PRKRIP1: variants seen among roughly 807,000 people sequenced by gnomAD.
PRKRIP1 encodes PRKR interacting protein 1.
Under a neutral mutation model 29.3 loss-of-function variants are expected in PRKRIP1, and 29 were observed. The observed-to-expected ratio is 0.99, with a 90% CI of 0.74 to 1.35. The LOEUF is 1.35. Among genes scored for constraint, PRKRIP1 ranks in the 40% most tolerant of loss-of-function variants. The pLI, the probability that PRKRIP1 is intolerant of heterozygous loss-of-function variation, is 0.00. For synonymous variants in PRKRIP1, 90 were observed against 85.1 expected, an observed-to-expected ratio of 1.06 and a Z score of -0.32; for missense variants, 247 against 236.8, an observed-to-expected ratio of 1.04 and a Z score of -0.28.
At chr7:102,399,964 G>T (rs10280350) in intron 3 of PRKRIP1, among the ~76,000 whole-genome samples, 3,055 of 149,214 alleles carry the variant, frequency 0.02, 94 homozygotes, top group African/African-American at 0.071. Flanking sequence ...TCGTGCCATT[G>T]CACTCCAGCC....
rs143736954 is a variant in PRKRIP1, at chr7:102,404,196, A to G, written c.307-402A>G. ...AACAAAAAAACTCAGCCATTTGGTA[A>G]CTATGGTTGGGCTTAGGGCTTGAAA... is the stretch of plus-strand genomic sequence containing the variant. On this transcript the variant is annotated intron_variant, in intron 3 of 5. Transcript: ENST00000397912. Among the ~76,000 whole-genome samples, 43 of 152,274 alleles carry G rather than the reference A, an allele frequency of 2.8e-4. No homozygotes were observed. In the East Asian group the frequency reaches 7.9e-3, roughly 28 times the overall value.
At chr7:102,400,698 T>G (rs2133166109) in intron 3 of PRKRIP1, among the ~76,000 whole-genome samples, 1 of 152,178 alleles carries the variant, frequency 6.6e-6, no homozygotes, top group Non-Finnish European at 1.5e-5. Context: ...AGCAGTGGGG[T>G]GATCTTGGCT....
chr7:102,396,874 ACAC>A lies in PRKRIP1; in HGVS notation c.126+338_126+340del, dbSNP rs1315688124. On this transcript the variant is annotated intron_variant, in intron 1 of 5. Transcript: ENST00000397912. ...TTAGCAAAAGGGTATACTCTAAACA[ACAC>A]TGATCGTTAGAGAGACAGTGGCCGA... Among the ~76,000 whole-genome samples, 4 of 152,262 alleles carry A rather than the reference ACAC, an allele frequency of 2.6e-5. No homozygotes were observed. In the East Asian group the frequency reaches 7.7e-4, roughly 29 times the overall value.
intron 3 of PRKRIP1, among the ~76,000 whole-genome samples, chr7:102,402,576 G>T (rs1346352291): frequency 2.0e-5 from 3 of 152,224 alleles, no homozygotes; most frequent in African/African-American, 7.2e-5. Context: ...CTATAAATTC[G>T]TCTGAAGTTT....
At chr7:102,421,325 C>G (rs138408433) in intron 5 of PRKRIP1, among the ~76,000 whole-genome samples, 1,768 of 152,090 alleles carry the variant, frequency 0.012, 44 homozygotes, top group African/African-American at 0.041. Context: ...GGGAGGATCA[C>G]TTGAGCCCAG....
chr7:102,404,563 C>T, intron 3 of PRKRIP1, 35 bp from the exon 4 acceptor site: 1 of 1,573,864 alleles, frequency 6.4e-7, no homozygotes, highest in African/African-American at 1.3e-5. Flanking sequence ...CTGCCCAGAC[C>T]AGAGCGTGTC....
intron 5 of PRKRIP1, among the ~76,000 whole-genome samples, chr7:102,417,115 A>G (rs1476413220): frequency 2.6e-5 from 4 of 151,918 alleles, no homozygotes; most frequent in African/African-American, 9.7e-5. Flanking sequence ...TCAGCCTCCC[A>G]AAGTCCTGGG....
rs116276795 is a variant in PRKRIP1 at position 102,423,614 on chromosome 7, G to C, written c.458-1400G>C. 8.4e-3 allele frequency among the ~76,000 whole-genome samples: 1,278 copies of C among 152,156 alleles called. 24 individuals are homozygous for C. The highest frequency in any genetic ancestry group is 0.03 in the African/African-American group (1,231 of 41,498). On this transcript the variant is annotated intron_variant, in intron 5 of 5. Transcript: ENST00000397912. The stretch of plus-strand genomic sequence containing the variant: ...ATAGACTATTGTAAGAATTAAACAG[G>C]GTACTCTATGTACAGACTTAGCACA...
In PRKRIP1 at chr7:102,407,513, C is replaced by G. The variant is rs782793835; in HGVS notation, c.457+15C>G. The G allele has an allele frequency of 6.3e-7, 1 of 1,590,618 alleles. No homozygotes were observed. The highest frequency in any genetic ancestry group is 1.1e-5 in the South Asian group (1 of 90,530). On this transcript the variant is annotated intron_variant, in intron 5 of 5. Transcript: ENST00000397912. ...GAAACAAGAAGGTGAGTGGTGCCCA[C>G]TTTTCTTGGCTGTAGCTTCTTTCTT...
chr7:102,417,752 G>C (rs1554573306), intron 5 of PRKRIP1, among the ~76,000 whole-genome samples: 2 of 151,420 alleles, frequency 1.3e-5, no homozygotes, highest in African/African-American at 4.9e-5. Context: ...TGAGTAGCTG[G>C]GCCCACAGGC....
chr7:102,419,071 CCTT>C (rs1347313442), intron 5 of PRKRIP1, among the ~76,000 whole-genome samples: 1 of 152,120 alleles, frequency 6.6e-6, no homozygotes, highest in Non-Finnish European at 1.5e-5. Context: ...TCATGTGTCA[CCTT>C]CTGCGTTCCA....
Position 102,396,432 on chromosome 7 carries a change from C to G in PRKRIP1, c.21C>G (p.Ser7=), listed in dbSNP as rs1795897832. 3 of 1,591,100 alleles carry G rather than the reference C, an allele frequency of 1.9e-6. No homozygotes were observed. Among genetic ancestry groups the G allele is most frequent in the South Asian group, 1.1e-5 (1 of 90,080 alleles). The stretch of plus-strand genomic sequence containing the variant: ...CTGCCATGGCTAGCCCAGCCGCCTC[C>G]TCGGTGCGACCACCGAGGCCCAAGA... MASPAA[S]SVRPPRPKKE... The change falls in exon 1 of 6, where the codon TCC becomes TCG. Residue 7 remains serine (S), a synonymous_variant. Coordinates refer to ENST00000397912, the MANE Select transcript of PRKRIP1 (RefSeq NM_024653.4).
chr7:102,401,308 A>G (rs1554571143), intron 3 of PRKRIP1, among the ~76,000 whole-genome samples: 1 of 152,246 alleles, frequency 6.6e-6, no homozygotes, highest in African/African-American at 2.4e-5. Context: ...CTGCTGTATA[A>G]TTCTTTTAAC....
intron 5 of PRKRIP1, among the ~76,000 whole-genome samples, chr7:102,408,799 C>T (rs1338534570): frequency 1.3e-5 from 2 of 152,146 alleles, no homozygotes; most frequent in African/African-American, 2.4e-5. Flanking sequence ...ATCACTTGAG[C>T]CCAGGAGGCT....
intron 3 of PRKRIP1, chr7:102,404,383 C>T: frequency 1.9e-6 from 1 of 521,064 alleles, no homozygotes; most frequent in African/African-American, 1.9e-5. Flanking sequence ...CCTCAGTCAA[C>T]TAAAAGAGTT....
chr7:102,419,913 C>G lies in PRKRIP1; in HGVS notation c.458-5101C>G, dbSNP rs535745174. 3.3e-5 allele frequency among the ~76,000 whole-genome samples: 5 copies of G among 151,198 alleles called. No individual in the cohort carries two copies. The South Asian group carries it at 1.0e-3, about 32-fold the overall frequency. Reference sequence around the variant, plus strand: ...TGTGTGTGTTTTTGAGATGGAGTCTCTCTGTCGCCCAGGCTGGAGTGCAGT... The same window carrying G: ...TGTGTGTGTTTTTGAGATGGAGTCTGTCTGTCGCCCAGGCTGGAGTGCAGT... On this transcript the variant is annotated intron_variant, in intron 5 of 5. Transcript: ENST00000397912.
In PRKRIP1 at chr7:102,425,165, GA is replaced by G; in HGVS notation, c.*57del. The G allele has an allele frequency of 6.4e-7, 1 of 1,572,862 alleles. No homozygotes were observed. The highest frequency in any genetic ancestry group is 8.6e-7 in the Non-Finnish European group (1 of 1,163,918). On this transcript the variant is annotated 3_prime_UTR_variant, in exon 6 of 6. Transcript: ENST00000397912. ...CCTGGCTCGTGCTGTGACCAGAAGG[GA>G]AAGGCGGCTGTTTGGCTCTTTCTCC...
chr7:102,419,636 T>G (rs1312435485), intron 5 of PRKRIP1, among the ~76,000 whole-genome samples: 4 of 151,872 alleles, frequency 2.6e-5, no homozygotes, highest in Admixed American at 2.6e-4. Context: ...TGTCATAGAG[T>G]CGGAATTAAA....
chr7:102,421,153 A>G (rs2133203986), intron 5 of PRKRIP1, among the ~76,000 whole-genome samples: 1 of 152,364 alleles, frequency 6.6e-6, no homozygotes, highest in East Asian at 1.9e-4. Context: ...GTTTTTCTGT[A>G]GCCCAGAGAG....
Sources: allele counts gnomAD v4.1 joint callset (sites outside exome capture counted in the v4.1 genomes callset), GRCh38; gene constraint gnomAD v4.1.1; transcripts MANE v1.5; gene names NCBI Gene and HGNC (gene_info 2026-07-23, HGNC 2026-07-21).